Variants in PRKACB observed in about 807,000 individuals in gnomAD.
The protein encoded by PRKACB is cAMP-dependent protein kinase catalytic subunit beta.
In PRKACB, 16 loss-of-function variants were observed where a neutral mutation model predicts 51.4. The ratio of observed to expected loss-of-function variants is 0.31; its 90% CI spans 0.21 to 0.47. The LOEUF is 0.47. Ranked by LOEUF, PRKACB falls within the 20% of genes least tolerant of loss-of-function variation. The pLI, the probability that PRKACB is intolerant of heterozygous loss-of-function variation, is 1.00. For synonymous variants in PRKACB, 147 were observed against 154.4 expected, an observed-to-expected ratio of 0.95 and a Z score of 0.35; for missense variants, 309 against 464.5, an observed-to-expected ratio of 0.67 and a Z score of 3.08.
intron 9 of PRKACB, among the ~76,000 whole-genome samples, chr1:84,221,113 T>C (rs1184148388): frequency 6.6e-6 from 1 of 152,156 alleles, no homozygotes; most frequent in East Asian, 1.9e-4. Context: ...TTATTACATA[T>C]TCAATCTGTT....
intron 1 of PRKACB, among the ~76,000 whole-genome samples, chr1:84,138,904 C>T (rs536718708): frequency 6.6e-6 from 1 of 152,148 alleles, no homozygotes; most frequent in East Asian, 1.9e-4. Context: ...GTGCAACCCA[C>T]CATATTAGTA....
chr1:84,163,652 T>C (rs1448837500), intron 1 of PRKACB, among the ~76,000 whole-genome samples: 1 of 151,966 alleles, frequency 6.6e-6, no homozygotes, highest in Non-Finnish European at 1.5e-5. Context: ...CAGAGTTCAG[T>C]GGTTCGTCAC....
chr1:84,119,662 T>C (rs1650906946), intron 1 of PRKACB, among the ~76,000 whole-genome samples: 1 of 152,066 alleles, frequency 6.6e-6, no homozygotes, highest in Non-Finnish European at 1.5e-5. Flanking sequence ...TACTAAATTA[T>C]AAAGTTAATG....
chr1:84,143,662 C>G (rs41300500), upstream of PRKACB, among the ~76,000 whole-genome samples: 487 of 152,078 alleles, frequency 3.2e-3, 2 homozygotes, highest in African/African-American at 0.011. Context: ...TTAAAATGTA[C>G]CCCTGGTAAT....
chr1:84,188,482 A>C (rs1665823201), intron 5 of PRKACB, among the ~76,000 whole-genome samples: 1 of 151,956 alleles, frequency 6.6e-6, no homozygotes. Flanking sequence ...AAAATCTAGA[A>C]TAGCCATGGG....
intron 8 of PRKACB, chr1:84,205,281 C>CTGT: frequency 1.0e-6 from 1 of 980,488 alleles, no homozygotes; most frequent in African/African-American, 1.7e-5. Flanking sequence ...AATAAATCAT[C>CTGT]TGTTTCAAAA....
chr1:84,108,327 G>T (rs1051388420), intron 1 of PRKACB, among the ~76,000 whole-genome samples: 2 of 151,870 alleles, frequency 1.3e-5, no homozygotes, highest in African/African-American at 4.8e-5. Context: ...ATACTTGAGG[G>T]TGGAAGGCGG....
At chr1:84,137,033 C>T (rs1652896043) in intron 1 of PRKACB, among the ~76,000 whole-genome samples, 1 of 152,070 alleles carries the variant, frequency 6.6e-6, no homozygotes, top group Admixed American at 6.6e-5. Flanking sequence ...TTCCTGCCAC[C>T]TTGTGAAGAA....
chr1:84,230,427 G>A (rs1293381615), intron 9 of PRKACB, among the ~76,000 whole-genome samples: 1 of 152,050 alleles, frequency 6.6e-6, no homozygotes, highest in African/African-American at 2.4e-5. Flanking sequence ...CTCTTTTTTG[G>A]TTCCATATGA....
At chr1:84,078,117 C>A, upstream of PRKACB, 1 of 473,990 alleles carries the variant, frequency 2.1e-6, no homozygotes, top group Non-Finnish European at 3.5e-6. Context: ...CCGCCGCCGC[C>A]GCCGCTGCTG....
At position 84,184,115 on chromosome 1, in the gene PRKACB, C is replaced by G; in HGVS notation, c.457C>G (p.Arg153Gly). Residue 153 changes from arginine (R) to glycine (G), a missense_variant, in exon 4 of 10, where the codon CGA (arginine) becomes GGA (glycine). Arg to Gly is a moderately radical substitution (Grantham distance 125, BLOSUM62 -2). Around this residue, in one of 3 missense-constraint regions of PRKACB, gnomAD observed 153 missense variants for 190.2 expected, o/e 0.80. Coordinates refer to ENST00000370685, the MANE Select transcript of PRKACB (RefSeq NM_182948.4). ...LQAVNFPFLV[R>G]LEYAFKDNSN... Reference sequence around the variant, plus strand: ...GGCAGTGAATTTTCCTTTCCTTGTTCGACTGGAGTATGCTTTTAAGGTAAA... The same window carrying G: ...GGCAGTGAATTTTCCTTTCCTTGTTGGACTGGAGTATGCTTTTAAGGTAAA... 6.2e-7 allele frequency: 1 copy of G among 1,603,782 alleles called. No individual in the cohort carries two copies. Among genetic ancestry groups the G allele is most frequent in the East Asian group, 2.3e-5 (1 of 44,272 alleles).
chr1:84,145,826 G>C (rs1653979384), intron 1 of PRKACB, among the ~76,000 whole-genome samples: 1 of 151,806 alleles, frequency 6.6e-6, no homozygotes, highest in Non-Finnish European at 1.5e-5. Flanking sequence ...CTTTTAAATT[G>C]CAGTCTTTTA....
In PRKACB at chr1:84,177,455, A is replaced by G. The variant is rs543762384; in HGVS notation, c.188-1722A>G. ...TCCTAAATTCCAAGAAAAAATAACA[A>G]TTTGGCCGGACACAGTGGCTCACAC... On this transcript the variant is annotated intron_variant, in intron 1 of 9. Coordinates refer to ENST00000370685, the MANE Select transcript of PRKACB (RefSeq NM_182948.4). Among the ~76,000 whole-genome samples the G allele has an allele frequency of 2.0e-5, 3 of 152,194 alleles. No individual in the cohort carries two copies. In the Middle Eastern group the frequency reaches 0.01, roughly 518 times the overall value.
chr1:84,164,842 T>C (rs1656870501), intron 1 of PRKACB: 1 of 1,388,438 alleles, frequency 7.2e-7, no homozygotes, highest in Admixed American at 3.4e-5. Context: ...TTCTAGGGGC[T>C]TCTCTTTTTA....
At chr1:84,209,624 T>G (rs1407275040) in intron 8 of PRKACB, among the ~76,000 whole-genome samples, 1 of 152,184 alleles carries the variant, frequency 6.6e-6, no homozygotes, top group Non-Finnish European at 1.5e-5. Context: ...TTCAAAACCT[T>G]GCAAGGATTC....
upstream of PRKACB, among the ~76,000 whole-genome samples, chr1:84,139,601 A>G (rs989669771): frequency 6.6e-6 from 1 of 152,242 alleles, no homozygotes; most frequent in African/African-American, 2.4e-5. Flanking sequence ...GAGACATGCT[A>G]TGATTATGGA....
At chr1:84,137,079 G>A (rs901392089) in intron 1 of PRKACB, among the ~76,000 whole-genome samples, 85 of 152,064 alleles carry the variant, frequency 5.6e-4, no homozygotes, top group African/African-American at 1.9e-3. Flanking sequence ...TGGGGTGATT[G>A]TAAGTTTCCC....
intron 1 of PRKACB, among the ~76,000 whole-genome samples, chr1:84,167,831 A>G (rs1034759365): frequency 6.6e-6 from 1 of 151,528 alleles, no homozygotes; most frequent in African/African-American, 2.4e-5. Context: ...TTGTTCCTTT[A>G]TCAACTTTGT....
chr1:84,098,102 C>T (rs920885717), intron 1 of PRKACB, among the ~76,000 whole-genome samples: 2 of 151,966 alleles, frequency 1.3e-5, no homozygotes, highest in Non-Finnish European at 2.9e-5. Flanking sequence ...ATGTTGAACA[C>T]GTTTTTATAT....
Sources: allele counts gnomAD v4.1 joint callset (sites outside exome capture counted in the v4.1 genomes callset), GRCh38; gene constraint gnomAD v4.1.1; regional missense constraint gnomAD v4.1.1; transcripts MANE v1.5; gene names NCBI Gene and HGNC (gene_info 2026-07-23, HGNC 2026-07-21).